The following CLK3 variants were observed in gnomAD, a reference collection of about 807,000 sequenced individuals.
CLK3 encodes the protein CDC like kinase 3.
A neutral mutation model predicts 65.2 loss-of-function variants in CLK3; 24 were observed. That is an observed-to-expected ratio of 0.37 (90% CI 0.27 to 0.52). The LOEUF (loss-of-function observed/expected upper bound fraction) is 0.52. Ranked by LOEUF, CLK3 falls within the 20% of genes least tolerant of loss-of-function variation. The pLI is 0.92. For missense variants in CLK3, 506 were observed against 660.0 expected (o/e 0.77, Z 2.56); for synonymous variants, 252 against 240.8 (o/e 1.05, Z -0.43).
At chr15:74,615,727 C>A, upstream of CLK3, 1 of 1,238,922 alleles carries the variant, frequency 8.1e-7, no homozygotes, top group South Asian at 3.6e-5. Context: ...GCCCCGGAGC[C>A]TTCGAGTCGG....
chr15:74,609,044 G>A (rs1409910701), intron 1 of CLK3, among the ~76,000 whole-genome samples: 1 of 152,228 alleles, frequency 6.6e-6, no homozygotes, highest in Non-Finnish European at 1.5e-5. Context: ...AACACCATCT[G>A]CTCTCCCTGC....
At chr15:74,615,400 A>C (rs542643386), upstream of CLK3, 121 of 1,237,924 alleles carry the variant, frequency 9.8e-5, 1 homozygote, top group African/African-American at 1.8e-3. Flanking sequence ...CGCCTTCCCG[A>C]GCTCCGGCAC....
chr15:74,616,628 C>G (rs946852257), intron 1 of CLK3, among the ~76,000 whole-genome samples: 7 of 152,254 alleles, frequency 4.6e-5, no homozygotes, highest in Non-Finnish European at 8.8e-5. Flanking sequence ...TGGCGGCCTT[C>G]CAGCTTCCCT....
chr15:74,619,084 C>A, intron 1 of CLK3, 113 bp from the exon 2 acceptor site: 1 of 1,318,706 alleles, frequency 7.6e-7, no homozygotes, highest in South Asian at 1.4e-5. Flanking sequence ...GGAGGGGCCG[C>A]CTTCAAACAG....
At chr15:74,617,147 C>T (rs2062067027) in intron 1 of CLK3, among the ~76,000 whole-genome samples, 1 of 152,180 alleles carries the variant, frequency 6.6e-6, no homozygotes, top group Admixed American at 6.5e-5. Flanking sequence ...TGCTTGTCAT[C>T]TCTTTTGCCA....
At chr15:74,613,291 A>AT (rs2062014428), upstream of CLK3, 1 of 152,154 alleles carries the variant, frequency 6.6e-6, no homozygotes, top group Non-Finnish European at 1.5e-5. Flanking sequence ...CCCTTGAGAT[A>AT]TGCTACAGAC....
At chr15:74,626,967 C>T (rs1371523405) in intron 7 of CLK3, 1 of 460,124 alleles carries the variant, frequency 2.2e-6, no homozygotes, top group Admixed American at 2.3e-5. Context: ...GAACAGGGGA[C>T]CTGCATTTTC....
intron 2 of CLK3, 139 bp downstream of exon 2, chr15:74,619,487 C>T: frequency 1.2e-6 from 1 of 854,044 alleles, no homozygotes; most frequent in Non-Finnish European, 1.8e-6. Flanking sequence ...GGCTCCTCCA[C>T]TAACCTCACC....
At chr15:74,615,133 G>C (rs1020061666), upstream of CLK3, 23 of 324,984 alleles carry the variant, frequency 7.1e-5, no homozygotes, top group African/African-American at 3.8e-4. Context: ...GCAGCCGGCG[G>C]GGCTTTTGTC....
intron 6 of CLK3, 61 bp from the exon 7 acceptor site, chr15:74,625,741 G>GA: frequency 4.4e-6 from 7 of 1,585,278 alleles, no homozygotes; most frequent in Non-Finnish European, 6.1e-6. Flanking sequence ...CTTCATCTGA[G>GA]AGAGGGGGTG....
At chr15:74,625,582 C>G (rs1332179491) in intron 6 of CLK3, among the ~76,000 whole-genome samples, 1 of 152,172 alleles carries the variant, frequency 6.6e-6, no homozygotes, top group Non-Finnish European at 1.5e-5. Flanking sequence ...CCCCTACCCC[C>G]CGCAGGAAGC....
intron 7 of CLK3, 70 bp downstream of exon 7, chr15:74,626,038 G>C (rs1348957593): frequency 6.5e-7 from 1 of 1,537,830 alleles, no homozygotes; most frequent in African/African-American, 1.4e-5. Flanking sequence ...GTTACTTGTT[G>C]TCCCCATTCA....
intron 6 of CLK3, among the ~76,000 whole-genome samples, chr15:74,625,375 G>A (rs1463619501): frequency 1.3e-5 from 2 of 152,206 alleles, no homozygotes; most frequent in Non-Finnish European, 2.9e-5. Context: ...CACGCACTGT[G>A]CTGAGCCTGG....
At position 74,622,023 on chromosome 15, in the gene CLK3, G is replaced by T. The variant is rs751867029; in HGVS notation, c.370-97G>T. The stretch of plus-strand genomic sequence containing the variant: ...CCAACCAACCCACCGGCTCCTCACC[G>T]TCTCCACCTCTGCCTTTGACTGACA... On this transcript the variant is annotated intron_variant, in intron 3 of 12. Coordinates refer to ENST00000395066, the MANE Select transcript of CLK3 (RefSeq NM_001130028.2). The surrounding 1 kb of genome is among the most constrained non-coding windows in gnomAD (Gnocchi z 4.6). The T allele has an allele frequency of 8.8e-7, 1 of 1,141,468 alleles. No homozygotes were observed. Among genetic ancestry groups the T allele is most frequent in the Non-Finnish European group, 1.3e-6 (1 of 759,988 alleles). 70.7% of individuals were successfully genotyped at this position (1,141,468 alleles called of 1,614,324 possible).
upstream of CLK3, among the ~76,000 whole-genome samples, chr15:74,611,486 C>T (rs897877739): frequency 6.6e-6 from 1 of 152,260 alleles, no homozygotes; most frequent in Admixed American, 6.5e-5. Flanking sequence ...CCGACAGGGC[C>T]TCCGGCACTG....
chr15:74,628,180 G>T, intron 10 of CLK3, 128 bp downstream of exon 10: 1 of 713,922 alleles, frequency 1.4e-6, no homozygotes, highest in South Asian at 1.6e-5. Flanking sequence ...ATCATCATGT[G>T]AGATTCAGAC....
Position 74,627,241 on chromosome 15 carries a change from G to C in CLK3, c.818-111G>C. The stretch of plus-strand genomic sequence containing the variant: ...GTAGTCCAGCTCCCTGCTGAGGTGG[G>C]GGTGTGAGGACCTCTGGCAGTTGCT... On this transcript the variant is annotated intron_variant, in intron 7 of 12. Coordinates refer to ENST00000395066, the MANE Select transcript of CLK3 (RefSeq NM_001130028.2). The surrounding 1 kb of genome is among the most constrained non-coding windows in gnomAD (Gnocchi z 4.3). 1.2e-6 allele frequency: 1 copy of C among 826,330 alleles called. No individual in the cohort carries two copies. The highest frequency in any genetic ancestry group is 1.7e-5 in the African/African-American group (1 of 60,170). The allele number at this position is 826,330 out of a possible 1,614,324, so 51.2% of individuals were successfully genotyped here.
rs141251012 is a variant in CLK3, at chr15:74,627,383, C to T, written c.849C>T (p.Asp283=). Residue 283 remains aspartate (D), a synonymous_variant, in exon 8 of 13, where the codon GAC becomes GAT. Transcript: ENST00000395066. The surrounding 1 kb of genome is among the most constrained non-coding windows in gnomAD (Gnocchi z 4.3). The stretch of plus-strand genomic sequence containing the variant: ...ATGAGAATCAGCTGACCCATACAGA[C>T]TTGAAACCAGAGAACATCCTGTTTG... ...FLHENQLTHT[D]LKPENILFVN... The T allele has an allele frequency of 2.9e-4, 473 of 1,614,158 alleles. 2 individuals carry two copies. The African/African-American group carries it at 5.7e-3, about 19-fold the overall frequency.
At chr15:74,614,875 G>A (rs1782859752), upstream of CLK3, 1 of 152,252 alleles carries the variant, frequency 6.6e-6, no homozygotes, top group African/African-American at 2.4e-5. Context: ...GTGGCGTGGG[G>A]ACAATTAGGC....
Sources: gnomAD v4.1 joint callset for allele counts (sites outside exome capture counted in the v4.1 genomes callset) on GRCh38, gnomAD v4.1.1 for gene constraint, Gnocchi (gnomAD v3.1) non-coding constraint, MANE v1.5 for transcripts, NCBI Gene and HGNC (gene_info 2026-07-23, HGNC 2026-07-21) for gene names.